Variants in RNASEH1 observed in about 807,000 individuals in gnomAD.
The protein encoded by RNASEH1 is ribonuclease H1.
Under a neutral mutation model 34.6 loss-of-function variants are expected in RNASEH1, and 27 were observed. That is an observed-to-expected ratio of 0.78 (90% CI 0.58 to 1.08). The LOEUF is 1.08. RNASEH1 is among the 50% of genes least tolerant of loss of function. The probability of loss-of-function intolerance (pLI) is 0.00; values close to 1 mark genes in which losing one functional copy is unlikely to be tolerated. For missense variants in RNASEH1, 349 were observed against 373.6 expected (o/e 0.93, Z 0.54); for synonymous variants, 162 against 138.4 (o/e 1.17, Z -1.20).
rs1011700925 is a variant in RNASEH1, at chr2:3,542,462, G to A, written c.*3323C>T. The stretch of plus-strand genomic sequence containing the variant: ...GATACTCAAAGAAAATCTGGGCCAA[G>A]AATTTCGTATCCAGCAAAACTGAAT... On this transcript the variant is annotated 3_prime_UTR_variant, in exon 8 of 8. Coordinates refer to ENST00000315212, the MANE Select transcript of RNASEH1 (RefSeq NM_002936.6). Among the ~76,000 whole-genome samples the A allele has an allele frequency of 2.0e-5, 3 of 152,194 alleles. No individual in the cohort carries two copies. Among genetic ancestry groups the A allele is most frequent in the African/African-American group, 7.2e-5 (3 of 41,458 alleles).
At chr2:3,554,121 G>C (rs10195369) in intron 2 of RNASEH1, among the ~76,000 whole-genome samples, 4 of 152,052 alleles carry the variant, frequency 2.6e-5, no homozygotes. Flanking sequence ...CACACCTCTC[G>C]GAACCCTAAG....
At chr2:3,539,433 T>C (rs6730885), downstream of RNASEH1, among the ~76,000 whole-genome samples, 20,733 of 152,220 alleles carry the variant, frequency 0.14, 1,724 homozygotes, top group African/African-American at 0.22. Flanking sequence ...AAGTTGTTCT[T>C]TGACAAATAC....
chr2:3,541,329 C>CAA (rs58652290), downstream of RNASEH1, among the ~76,000 whole-genome samples: 40 of 114,940 alleles, frequency 3.5e-4, no homozygotes, highest in African/African-American at 1.2e-3. Context: ...GCTCCATCTC[C>CAA]AAAAAAAAAA....
intron 1 of RNASEH1, chr2:3,557,868 C>T (rs1169233657): frequency 1.4e-6 from 2 of 1,472,144 alleles, no homozygotes; most frequent in South Asian, 1.2e-5. Flanking sequence ...GAGGATTAAA[C>T]ACAGGGTTTA....
In RNASEH1 at chr2:3,543,796, T is replaced by C. The variant is rs1668504193; in HGVS notation, c.*1989A>G. On this transcript the variant is annotated 3_prime_UTR_variant, in exon 8 of 8. Coordinates refer to ENST00000315212, the MANE Select transcript of RNASEH1 (RefSeq NM_002936.6). ...CACCTGATTTTATTTTAATTTTCTG[T>C]AGAGACAGGGTGTCACTATGTTGCC... Among the ~76,000 whole-genome samples the C allele has an allele frequency of 6.6e-6, 1 of 152,114 alleles. No homozygotes were observed. The highest frequency in any genetic ancestry group is 2.4e-5 in the African/African-American group (1 of 41,420).
rs937139647 is a variant in RNASEH1, at chr2:3,542,634, A to G, written c.*3151T>C. Among the ~76,000 whole-genome samples the G allele has an allele frequency of 2.5e-4, 38 of 152,330 alleles. No individual in the cohort carries two copies. Among genetic ancestry groups the G allele is most frequent in the African/African-American group, 8.9e-4 (37 of 41,572 alleles). On this transcript the variant is annotated 3_prime_UTR_variant, in exon 8 of 8. Coordinates refer to ENST00000315212, the MANE Select transcript of RNASEH1 (RefSeq NM_002936.6). ...TAGACACAGTGCTGTTTTCATCATC[A>G]CAATTAATGCTATGGTATTAGTATT...
chr2:3,548,662 T>C lies in RNASEH1; in HGVS notation c.627A>G (p.Thr209=), dbSNP rs761976954. 7 of 1,606,518 alleles carry C rather than the reference T, an allele frequency of 4.4e-6. No homozygotes were observed. In the South Asian group the frequency reaches 6.6e-5, roughly 15 times the overall value. Residue 209 remains threonine (T), a synonymous_variant, in exon 6 of 8, where the codon ACA becomes ACG. Transcript: ENST00000315212. ...TACCATTTATCGTAAACATACTGTC[T>C]GTATACAGAACCAGTTTATTGATGT... The part of the protein sequence containing the change: ...TQNINKLVLY[T]DSMFTINGIT...
chr2:3,546,192 A>G (rs1668733863), intron 7 of RNASEH1, among the ~76,000 whole-genome samples: 1 of 152,228 alleles, frequency 6.6e-6, no homozygotes, highest in South Asian at 2.1e-4. Flanking sequence ...GGGTGGACGG[A>G]TATGTATGCA....
At chr2:3,550,150 A>G in intron 4 of RNASEH1, 1 of 457,352 alleles carries the variant, frequency 2.2e-6, no homozygotes, top group East Asian at 4.1e-5. Flanking sequence ...CTTAAAAAAA[A>G]AAAAAAAAAA....
rs1471879604 is a variant in RNASEH1 at position 3,554,901 on chromosome 2, G to A, written c.244+1888C>T. Among the ~76,000 whole-genome samples, 10 of 152,192 alleles carry A rather than the reference G, an allele frequency of 6.6e-5. No homozygotes were observed. In the East Asian group the frequency reaches 1.9e-3, roughly 29 times the overall value. ...AATGAACAGCTGTAACAGCGAGGAG[G>A]CGGCTCAGCATTACTGCCTCCATTC... is the stretch of plus-strand genomic sequence containing the variant. On this transcript the variant is annotated intron_variant, in intron 2 of 7. Coordinates refer to ENST00000315212, the MANE Select transcript of RNASEH1 (RefSeq NM_002936.6).
In RNASEH1 at chr2:3,543,884, G is replaced by C. The variant is rs1558445526; in HGVS notation, c.*1901C>G. Reference sequence around the variant, plus strand: ...CAGCCTCAGCCTCCCAAAGTGCTGGGATTACAGGCATAAGACACCATGCCC... The same window carrying C: ...CAGCCTCAGCCTCCCAAAGTGCTGGCATTACAGGCATAAGACACCATGCCC... On this transcript the variant is annotated 3_prime_UTR_variant, in exon 8 of 8. Transcript: ENST00000315212. Among the ~76,000 whole-genome samples, 1 of 152,094 alleles carries C rather than the reference G, an allele frequency of 6.6e-6. No individual in the cohort carries two copies. Among genetic ancestry groups the C allele is most frequent in the Non-Finnish European group, 1.5e-5 (1 of 68,026 alleles).
chr2:3,532,067 C>G, the RNASEH1 span: 1 of 579,274 alleles, frequency 1.7e-6, no homozygotes, highest in Non-Finnish European at 3.1e-6. Flanking sequence ...ATCCCCTTGA[C>G]AAAGAGATAA....
chr2:3,549,847 G>T (rs10199450), intron 4 of RNASEH1, among the ~76,000 whole-genome samples: 28,603 of 151,610 alleles, frequency 0.19, 2,913 homozygotes, highest in African/African-American at 0.27. Flanking sequence ...TCGGGAGGGT[G>T]AGGAAGGAGA....
downstream of RNASEH1, among the ~76,000 whole-genome samples, chr2:3,537,369 C>A (rs148765193): frequency 9.9e-5 from 15 of 152,140 alleles, no homozygotes; most frequent in Admixed American, 9.8e-4. Flanking sequence ...GCAGACCTTT[C>A]GAATATTTTT....
chr2:3,543,667 G>A lies in RNASEH1; in HGVS notation c.*2118C>T, dbSNP rs558351623. On this transcript the variant is annotated 3_prime_UTR_variant, in exon 8 of 8. Coordinates refer to ENST00000315212, the MANE Select transcript of RNASEH1 (RefSeq NM_002936.6). ...CTTGCTGTCGCCCAGGCTGGAATGT[G>A]GTGGCATGGTCACAGCTCACGCATC... Among the ~76,000 whole-genome samples, 11 of 152,112 alleles carry A rather than the reference G, an allele frequency of 7.2e-5. No homozygotes were observed. Among genetic ancestry groups the A allele is most frequent in the Admixed American group, 2.0e-4 (3 of 15,284 alleles).
downstream of RNASEH1, among the ~76,000 whole-genome samples, chr2:3,538,081 G>A (rs532110717): frequency 4.6e-5 from 7 of 151,062 alleles, no homozygotes; most frequent in East Asian, 1.4e-3. Context: ...GGGCACAGTG[G>A]CTCACACCTG....
downstream of RNASEH1, among the ~76,000 whole-genome samples, chr2:3,539,966 G>A (rs1299295059): frequency 6.6e-6 from 1 of 151,726 alleles, no homozygotes; most frequent in Non-Finnish European, 1.5e-5. Context: ...CTCCGGCTTC[G>A]TGCACTTTTG....
Position 3,549,116 on chromosome 2 carries a change from T to C in RNASEH1, c.510-4A>G. On this transcript the variant is annotated splice_region_variant and splice_polypyrimidine_tract_variant and intron_variant, in intron 4 of 7. Coordinates refer to ENST00000315212, the MANE Select transcript of RNASEH1 (RefSeq NM_002936.6). ...AGGAAGTCTAATGCCTACATTTCTG[T>C]TTCAAAACAGTACAAAAGAAAATAA... 3 of 1,610,312 alleles carry C rather than the reference T, an allele frequency of 1.9e-6. No individual in the cohort carries two copies. The highest frequency in any genetic ancestry group is 2.5e-6 in the Non-Finnish European group (3 of 1,176,876).
chr2:3,546,768 C>T (rs1168410053), intron 7 of RNASEH1, among the ~76,000 whole-genome samples: 2 of 152,168 alleles, frequency 1.3e-5, no homozygotes, highest in Non-Finnish European at 1.5e-5. Flanking sequence ...GAGACTCCAT[C>T]TCAAAACAAT....
Sources: allele counts gnomAD v4.1 joint callset (sites outside exome capture counted in the v4.1 genomes callset), GRCh38; gene constraint gnomAD v4.1.1; transcripts MANE v1.5; gene names NCBI Gene and HGNC (gene_info 2026-07-23, HGNC 2026-07-21).